The following RALGAPA2 variants were observed in gnomAD, a reference collection of about 807,000 sequenced individuals.
RALGAPA2 encodes Ral GTPase activating protein catalytic subunit alpha 2.
In RALGAPA2, 139 loss-of-function variants were observed where a neutral mutation model predicts 230.4. The ratio of observed to expected loss-of-function variants is 0.60; its 90% CI spans 0.53 to 0.69. RALGAPA2 has a LOEUF of 0.69. Ranked by LOEUF, RALGAPA2 falls within the 30% of genes least tolerant of loss-of-function variation. RALGAPA2 has a pLI of 0.00. For synonymous variants in RALGAPA2, 847 were observed against 837.8 expected (o/e 1.01, Z -0.19); for missense variants, 2,163 against 2,276.0 (o/e 0.95, Z 1.01).
chr20:20,575,625 T>C (rs1361766189), intron 20 of RALGAPA2, among the ~76,000 whole-genome samples: 1 of 152,090 alleles, frequency 6.6e-6, no homozygotes, highest in Non-Finnish European at 1.5e-5. Flanking sequence ...AGACTTACAG[T>C]CTTCCTGTTT....
At chr20:20,543,913 A>C (rs1485756659) in intron 24 of RALGAPA2, among the ~76,000 whole-genome samples, 1 of 151,626 alleles carries the variant, frequency 6.6e-6, no homozygotes, top group Non-Finnish European at 1.5e-5. Flanking sequence ...AATAAATTAA[A>C]AAATAAAACT....
chr20:20,530,748 A>G (rs2145558151), intron 27 of RALGAPA2, among the ~76,000 whole-genome samples: 1 of 152,290 alleles, frequency 6.6e-6, no homozygotes, highest in African/African-American at 2.4e-5. Flanking sequence ...ACTTTGGCTC[A>G]GTGAGGTGGT....
intron 23 of RALGAPA2, among the ~76,000 whole-genome samples, chr20:20,565,777 C>T (rs2064399859): frequency 6.6e-6 from 1 of 152,126 alleles, no homozygotes; most frequent in Admixed American, 6.5e-5. Flanking sequence ...TAAATTAATG[C>T]TCAAGTGCAT....
At chr20:20,419,686 A>G (rs2060236899) in intron 37 of RALGAPA2, among the ~76,000 whole-genome samples, 1 of 152,246 alleles carries the variant, frequency 6.6e-6, no homozygotes, top group African/African-American at 2.4e-5. Context: ...TAAGAATGAC[A>G]AAACCAGCTG....
At chr20:20,553,127 T>C (rs2063977016) in intron 23 of RALGAPA2, among the ~76,000 whole-genome samples, 1 of 152,160 alleles carries the variant, frequency 6.6e-6, no homozygotes, top group Admixed American at 6.5e-5. Context: ...ACTTGGTACA[T>C]CTGTCTGGGA....
intron 27 of RALGAPA2, among the ~76,000 whole-genome samples, chr20:20,530,528 T>A (rs558503735): frequency 1.3e-5 from 2 of 152,192 alleles, no homozygotes; most frequent in African/African-American, 4.8e-5. Context: ...AGACGCCAAA[T>A]CAAGGATGGG....
chr20:20,587,670 C>T (rs1054621695), intron 18 of RALGAPA2, among the ~76,000 whole-genome samples: 2 of 151,970 alleles, frequency 1.3e-5, no homozygotes, highest in African/African-American at 4.8e-5. Context: ...TGAAGAACTT[C>T]TGTTCATCAA....
At chr20:20,629,288 G>A in intron 10 of RALGAPA2, 75 bp downstream of exon 10, 1 of 1,286,502 alleles carries the variant, frequency 7.8e-7, no homozygotes, top group Non-Finnish European at 1.1e-6. Context: ...AAAAGAACAT[G>A]AAACAAAATC....
At chr20:20,666,593 G>A (rs1407247358) in intron 3 of RALGAPA2, among the ~76,000 whole-genome samples, 1 of 152,168 alleles carries the variant, frequency 6.6e-6, no homozygotes, top group Non-Finnish European at 1.5e-5. Context: ...AAGGATGGCT[G>A]CACACTGGAC....
At chr20:20,393,533 T>C (rs2059641746) in intron 39 of RALGAPA2, among the ~76,000 whole-genome samples, 1 of 152,112 alleles carries the variant, frequency 6.6e-6, no homozygotes, top group Non-Finnish European at 1.5e-5. Context: ...AAGTAAAGAA[T>C]GAAGAGAAAA....
At position 20,622,749 on chromosome 20, in the gene RALGAPA2, A is replaced by C. The variant is rs972420594; in HGVS notation, c.1234-2119T>G. Among the ~76,000 whole-genome samples, 12 of 152,338 alleles carry C rather than the reference A, an allele frequency of 7.9e-5. No individual in the cohort carries two copies. The South Asian group carries it at 1.2e-3, about 16-fold the overall frequency. On this transcript the variant is annotated intron_variant, in intron 10 of 39. Transcript: ENST00000202677. The stretch of plus-strand genomic sequence containing the variant: ...GGTCAGAGATTTGGGAAGCAATAAA[A>C]TGCAATAAAAAGAGAATGTGGATAA...
rs1163006998 is a variant in RALGAPA2, at chr20:20,437,924, T to G, written c.5496-25776A>C. On this transcript the variant is annotated intron_variant, in intron 37 of 39. Coordinates refer to ENST00000202677, the MANE Select transcript of RALGAPA2 (RefSeq NM_020343.4). The surrounding 1 kb of genome is among the most constrained non-coding windows in gnomAD (Gnocchi z 4.1). ...AGTCTCAGAAACCACTCTCGCAGGCTAGCTGGCTGAAGGAACAACACTGCA... is the reference window on the plus strand; with the variant it reads ...AGTCTCAGAAACCACTCTCGCAGGCGAGCTGGCTGAAGGAACAACACTGCA... Among the ~76,000 whole-genome samples, 1 of 152,200 alleles carries G rather than the reference T, an allele frequency of 6.6e-6. No individual in the cohort carries two copies. Among genetic ancestry groups the G allele is most frequent in the African/African-American group, 2.4e-5 (1 of 41,450 alleles).
intron 14 of RALGAPA2, among the ~76,000 whole-genome samples, chr20:20,607,368 A>C (rs187205254): frequency 1.5e-3 from 228 of 152,320 alleles, no homozygotes; most frequent in African/African-American, 5.3e-3. Context: ...GTAGGACTAA[A>C]GTAGTTAATT....
intron 33 of RALGAPA2, 89 bp downstream of exon 33, chr20:20,511,165 T>G (rs2062694154): frequency 5.3e-6 from 8 of 1,518,954 alleles, no homozygotes; most frequent in Non-Finnish European, 7.0e-6. Context: ...GATGTCTCAG[T>G]AAGTCTATTC....
intron 37 of RALGAPA2, 127 bp downstream of exon 37, chr20:20,472,702 A>T: frequency 2.1e-6 from 2 of 962,608 alleles, no homozygotes; most frequent in Non-Finnish European, 2.9e-6. Context: ...TGTTATTTTT[A>T]ACAGAGGTTG....
intron 36 of RALGAPA2, among the ~76,000 whole-genome samples, chr20:20,475,598 A>T (rs1219140939): frequency 6.6e-6 from 1 of 152,170 alleles, no homozygotes; most frequent in African/African-American, 2.4e-5. Context: ...GAAATGCCTC[A>T]ATTTAATGAG....
chr20:20,702,163 G>A (rs776520409), intron 1 of RALGAPA2, among the ~76,000 whole-genome samples: 20 of 152,162 alleles, frequency 1.3e-4, no homozygotes, highest in Non-Finnish European at 2.2e-4. Flanking sequence ...TACATTCAGG[G>A]CAAGAGGATG....
chr20:20,421,095 CTCACAGA>C (rs1265535457), intron 37 of RALGAPA2, among the ~76,000 whole-genome samples: 6 of 151,854 alleles, frequency 4.0e-5, no homozygotes, highest in Non-Finnish European at 7.4e-5. Flanking sequence ...ATAAAGAACT[CTCACAGA>C]TCAACAATAA....
intron 36 of RALGAPA2, among the ~76,000 whole-genome samples, chr20:20,486,725 T>C (rs2061922145): frequency 2.0e-5 from 3 of 152,238 alleles, no homozygotes; most frequent in Admixed American, 6.5e-5. Flanking sequence ...TCTTTTGTGA[T>C]TGTCACACAG....
Sources: gnomAD v4.1 joint callset for allele counts (sites outside exome capture counted in the v4.1 genomes callset) on GRCh38, gnomAD v4.1.1 for gene constraint, Gnocchi (gnomAD v3.1) non-coding constraint, MANE v1.5 for transcripts, NCBI Gene and HGNC (gene_info 2026-07-23, HGNC 2026-07-21) for gene names.